The following DMD variants were observed in gnomAD, a reference collection of about 807,000 sequenced individuals.
DMD encodes the protein mutant dystrophin.
A neutral mutation model predicts 330.1 loss-of-function variants in DMD; 63 were observed. That is an observed-to-expected ratio of 0.19 (90% CI 0.16 to 0.24). The LOEUF (loss-of-function observed/expected upper bound fraction) is 0.24, where lower values mean the gene tolerates loss of function less well. DMD is among the 10% of genes least tolerant of loss of function. DMD has a pLI of 1.00. For synonymous variants in DMD, 1,223 were observed against 959.8 expected (o/e 1.27, Z -5.07); for missense variants, 3,344 against 2,684.1 (o/e 1.25, Z -5.43).
At chrX:32,206,223 G>A in intron 44 of DMD, 1 of 515,167 alleles carries the variant, frequency 1.9e-6, no homozygotes, top group Admixed American at 2.3e-5. Context: ...GCATGTGAGT[G>A]GACAGCATTT....
In DMD at chrX:31,934,520, G is replaced by A. The variant is rs548109792; in HGVS notation, c.6615-2293C>T. Among the ~76,000 whole-genome samples, 16 of 111,541 alleles carry A rather than the reference G, an allele frequency of 1.4e-4. No homozygotes were observed. In the South Asian group the frequency reaches 2.3e-3, roughly 16 times the overall value. On this transcript the variant is annotated intron_variant, in intron 45 of 78. Transcript: ENST00000357033. ...GTAAGTGTATGTACTTGTAGGGTAC[G>A]TGAGATATTTTGATACACGCATGCA...
chrX:32,664,993 T>G (rs1289487662), intron 9 of DMD, among the ~76,000 whole-genome samples: 1 of 112,083 alleles, frequency 8.9e-6, no homozygotes, highest in Non-Finnish European at 1.9e-5. Flanking sequence ...GTGTGGTGCC[T>G]TAGAAATCAA....
At chrX:33,274,680 A>C (rs2053207978) in intron 1 of DMD, among the ~76,000 whole-genome samples, 1 of 111,597 alleles carries the variant, frequency 9.0e-6, no homozygotes, top group South Asian at 3.8e-4. Context: ...TTTGAAAATA[A>C]TTTTTAGTAC....
Position 32,432,737 on chromosome X carries a change from T to C in DMD, c.4071+5504A>G, listed in dbSNP as rs143322339. 1.5e-3 allele frequency among the ~76,000 whole-genome samples: 171 copies of C among 112,506 alleles called. 2 individuals carry two copies. Among genetic ancestry groups the C allele is most frequent in the African/African-American group, 5.0e-3 (154 of 30,992 alleles). On this transcript the variant is annotated intron_variant, in intron 29 of 78. Transcript: ENST00000357033. ...TCTACAAAACATATTGACAAATTAA[T>C]AAAGCATAATATGCCACTTATTTTC...
In DMD at chrX:31,329,969, C is replaced by CAA. The variant is rs142353794; in HGVS notation, c.9164-6313_9164-6312dup. ...CTGGCGACAGAGCAAGATTCCATCTCAAAAAAAAAAAAAAAAAAAAAAAAA... is the reference window on the plus strand; with the variant it reads ...CTGGCGACAGAGCAAGATTCCATCTCAAAAAAAAAAAAAAAAAAAAAAAAAAA... On this transcript the variant is annotated intron_variant, in intron 61 of 78. Coordinates refer to ENST00000357033, the MANE Select transcript of DMD (RefSeq NM_004006.3). Among the ~76,000 whole-genome samples, 83 of 12,874 alleles carry CAA rather than the reference C, an allele frequency of 6.4e-3. 7 individuals carry two copies. Among genetic ancestry groups the CAA allele is most frequent in the African/African-American group, 0.018 (58 of 3,268 alleles). 11.2% of individuals were successfully genotyped at this position (12,874 alleles called of 115,157 possible). A position where few individuals can be genotyped will look rare whatever the true frequency, so the allele number is the denominator to read the frequency against.
rs2032426675 is a variant in DMD at position 31,121,199 on chromosome X, T to TATCTA, written c.*715_*719dup. 1.8e-5 allele frequency: 2 copies of TATCTA among 111,840 alleles called. No homozygotes were observed. The highest frequency in any genetic ancestry group is 9.6e-5 in the Admixed American group (1 of 10,435). The allele number at this position is 111,840 out of a possible 1,213,427, so 9.2% of individuals were successfully genotyped here. A position where few individuals can be genotyped will look rare whatever the true frequency, so the allele number is the denominator to read the frequency against. On this transcript the variant is annotated 3_prime_UTR_variant, in exon 79 of 79. Coordinates refer to ENST00000357033, the MANE Select transcript of DMD (RefSeq NM_004006.3). ...CAGTCTATAGAAATTCGTATCTCTTTATCTATATAACTATAGTATTTATAT... is the reference window on the plus strand; with the variant it reads ...CAGTCTATAGAAATTCGTATCTCTTTATCTAATCTATATAACTATAGTATTTATAT...
chrX:31,689,121 C>T (rs1182210710), intron 52 of DMD, among the ~76,000 whole-genome samples: 5 of 111,182 alleles, frequency 4.5e-5, no homozygotes, highest in Non-Finnish European at 7.5e-5. Context: ...CTGGCCAGGG[C>T]GATCAGGCAG....
rs750958831 is a variant in DMD, at chrX:32,239,654, C to CTAAAACTGCTATGCATACCATGTATGT, written c.6291-22618_6291-22592dup. 6.2e-3 allele frequency among the ~76,000 whole-genome samples: 696 copies of CTAAAACTGCTATGCATACCATGTATGT among 111,841 alleles called. 9 individuals are homozygous for CTAAAACTGCTATGCATACCATGTATGT. In the South Asian group the frequency reaches 0.076, roughly 12 times the overall value. On this transcript the variant is annotated intron_variant, in intron 43 of 78. Coordinates refer to ENST00000357033, the MANE Select transcript of DMD (RefSeq NM_004006.3). ...TATCACACAGAGTAGTTTCATTGCT[C>CTAAAACTGCTATGCATACCATGTATGT]TAAAACTGCTATGCATACCATGTAT...
intron 61 of DMD, among the ~76,000 whole-genome samples, chrX:31,334,026 G>A (rs1172961298): frequency 9.0e-6 from 1 of 110,824 alleles, no homozygotes; most frequent in Non-Finnish European, 1.9e-5. Flanking sequence ...TCCGCCTCCT[G>A]GGTTCAAGCA....
intron 2 of DMD, among the ~76,000 whole-genome samples, chrX:32,915,438 G>A (rs2087708436): frequency 8.9e-6 from 1 of 111,903 alleles, no homozygotes; most frequent in African/African-American, 3.2e-5. Flanking sequence ...TTCTGGGAGA[G>A]GAAGGGGAGG....
chrX:32,554,464 A>T (rs949887444), intron 16 of DMD, among the ~76,000 whole-genome samples: 18 of 111,266 alleles, frequency 1.6e-4, no homozygotes, highest in Non-Finnish European at 2.6e-4. Context: ...AAATACAAAC[A>T]ACCATCAGGG....
At chrX:32,613,173 C>T (rs1482677123) in intron 12 of DMD, among the ~76,000 whole-genome samples, 1 of 111,204 alleles carries the variant, frequency 9.0e-6, no homozygotes, top group Non-Finnish European at 1.9e-5. Flanking sequence ...CAATTTGGGA[C>T]ACACACTAAG....
At chrX:32,576,867 C>CA (rs1237889613) in intron 13 of DMD, among the ~76,000 whole-genome samples, 1 of 111,137 alleles carries the variant, frequency 9.0e-6, no homozygotes, top group Non-Finnish European at 1.9e-5. Flanking sequence ...GTTTATGATT[C>CA]AGCTAATATC....
intron 44 of DMD, among the ~76,000 whole-genome samples, chrX:32,031,919 C>T (rs1001677844): frequency 1.8e-5 from 2 of 111,949 alleles, no homozygotes; most frequent in African/African-American, 3.2e-5. Flanking sequence ...CCTAATACTT[C>T]GAGTTCAAGC....
chrX:32,708,905 C>T (rs184558528), intron 7 of DMD, among the ~76,000 whole-genome samples: 19 of 111,500 alleles, frequency 1.7e-4, no homozygotes, highest in East Asian at 5.6e-4. Context: ...TAACTGATGG[C>T]GAATTAAGTT....
At chrX:32,271,395 T>G (rs1486515126) in intron 43 of DMD, among the ~76,000 whole-genome samples, 1 of 112,413 alleles carries the variant, frequency 8.9e-6, no homozygotes, top group Non-Finnish European at 1.9e-5. Flanking sequence ...CAGGCAGAAA[T>G]CTCTCAAAAA....
In DMD at chrX:32,889,201, T is replaced by C. The variant is rs1214587227; in HGVS notation, c.94-39381A>G. Among the ~76,000 whole-genome samples the C allele has an allele frequency of 4.5e-5, 5 of 111,012 alleles. 1 individual carries two copies. The highest frequency in any genetic ancestry group is 2.9e-4 in the Admixed American group (3 of 10,451). On this transcript the variant is annotated intron_variant, in intron 2 of 78. Coordinates refer to ENST00000357033, the MANE Select transcript of DMD (RefSeq NM_004006.3). ...AATCGTGAGCATGTGTCTTAGCAAA[T>C]GGACATGAGCTAGCCACCCAGTACC... is the stretch of plus-strand genomic sequence containing the variant.
In DMD at chrX:31,641,181, C is replaced by T. The variant is rs112070597; in HGVS notation, c.8028-13319G>A. 7.2e-3 allele frequency among the ~76,000 whole-genome samples: 799 copies of T among 111,161 alleles called. 8 individuals carry two copies. The highest frequency in any genetic ancestry group is 0.025 in the African/African-American group (750 of 30,571). On this transcript the variant is annotated intron_variant, in intron 54 of 78. Coordinates refer to ENST00000357033, the MANE Select transcript of DMD (RefSeq NM_004006.3). ...AAATGCTAACAGTAATAGAGAAATA[C>T]CATTGAGGCAGAGGTAGAGATAAAA... is the stretch of plus-strand genomic sequence containing the variant.
intron 41 of DMD, among the ~76,000 whole-genome samples, chrX:32,317,985 T>G (rs2097589967): frequency 9.0e-6 from 1 of 111,055 alleles, no homozygotes; most frequent in Non-Finnish European, 1.9e-5. Flanking sequence ...CTGATTATCT[T>G]TCCTCAAAGG....
Sources: gnomAD v4.1 joint callset for allele counts (sites outside exome capture counted in the v4.1 genomes callset) on GRCh38, gnomAD v4.1.1 for gene constraint, MANE v1.5 for transcripts, NCBI Gene and HGNC (gene_info 2026-07-23, HGNC 2026-07-21) for gene names.